The following SPRED1 variants were observed in gnomAD, a reference collection of about 807,000 sequenced individuals.
SPRED1 encodes the protein sprouty-related, EVH1 domain-containing protein 1.
In SPRED1, 18 loss-of-function variants were observed where a neutral mutation model predicts 52.3. The ratio of observed to expected loss-of-function variants is 0.34; its 90% CI spans 0.24 to 0.51. The LOEUF is 0.51. Among genes scored for constraint, SPRED1 ranks in the 20% least tolerant of loss-of-function variants. SPRED1 has a pLI of 0.97. For synonymous variants in SPRED1, 155 were observed against 179.7 expected, an observed-to-expected ratio of 0.86 and a Z score of 1.10; for missense variants, 485 against 551.0, an observed-to-expected ratio of 0.88 and a Z score of 1.20.
intron 4 of SPRED1, among the ~76,000 whole-genome samples, chr15:38,332,642 T>A (rs557223944): frequency 6.6e-6 from 1 of 152,316 alleles, no homozygotes; most frequent in South Asian, 2.1e-4. Flanking sequence ...TTTTCTAATG[T>A]ATCACATTTA....
intron 1 of SPRED1, among the ~76,000 whole-genome samples, chr15:38,256,375 A>G (rs548225657): frequency 1.5e-4 from 23 of 152,160 alleles, no homozygotes; most frequent in Admixed American, 2.0e-4. Context: ...CCTTCTAAAT[A>G]GAGTTTTAAA....
chr15:38,286,061 TAGTG>T (rs907337444), intron 1 of SPRED1, among the ~76,000 whole-genome samples: 1 of 151,800 alleles, frequency 6.6e-6, no homozygotes, highest in Non-Finnish European at 1.5e-5. Flanking sequence ...CTGGGAAACA[TAGTG>T]AGGCCCTGTC....
intron 1 of SPRED1, among the ~76,000 whole-genome samples, chr15:38,263,434 A>G (rs1894242349): frequency 6.6e-6 from 1 of 152,150 alleles, no homozygotes; most frequent in Non-Finnish European, 1.5e-5. Flanking sequence ...TCCCATTGAG[A>G]ATATTAAGTA....
chr15:38,348,400 GT>G (rs1896184998), intron 5 of SPRED1, among the ~76,000 whole-genome samples: 1 of 148,776 alleles, frequency 6.7e-6, no homozygotes, highest in African/African-American at 2.6e-5. Flanking sequence ...AGTACAAAGG[GT>G]CCTATTTTAA....
intron 4 of SPRED1, among the ~76,000 whole-genome samples, chr15:38,338,239 T>C (rs1367809662): frequency 6.7e-6 from 1 of 149,716 alleles, no homozygotes; most frequent in African/African-American, 2.4e-5. Flanking sequence ...AAAGAAATTG[T>C]GGTTTAGAGA....
intron 1 of SPRED1, among the ~76,000 whole-genome samples, chr15:38,263,687 G>T (rs1364795452): frequency 6.6e-6 from 1 of 152,140 alleles, no homozygotes; most frequent in Non-Finnish European, 1.5e-5. Context: ...AGTAATAATG[G>T]GGACAGAAGT....
In SPRED1 at chr15:38,310,217, T is replaced by G. The variant is rs1467968699; in HGVS notation, c.207+10670T>G. On this transcript the variant is annotated intron_variant, in intron 2 of 6. Coordinates refer to ENST00000299084, the MANE Select transcript of SPRED1 (RefSeq NM_152594.3). The stretch of plus-strand genomic sequence containing the variant: ...GCGCAGTGGCGCGATCTCGGCTCAT[T>G]GCAACCTCTGCCTCCCAGGTTCAAG... 2.0e-5 allele frequency among the ~76,000 whole-genome samples: 3 copies of G among 149,296 alleles called. No individual in the cohort carries two copies. In the East Asian group the frequency reaches 6.2e-4, roughly 31 times the overall value.
At chr15:38,313,435 A>G (rs1212663220) in intron 2 of SPRED1, among the ~76,000 whole-genome samples, 2 of 151,990 alleles carry the variant, frequency 1.3e-5, no homozygotes, top group Non-Finnish European at 2.9e-5. Context: ...GATTCATATT[A>G]TTCATCCTTG....
chr15:38,254,563 A>G (rs907974019), intron 1 of SPRED1, among the ~76,000 whole-genome samples: 14 of 152,364 alleles, frequency 9.2e-5, no homozygotes, highest in African/African-American at 3.1e-4. Context: ...GGATTTCCCA[A>G]GAAAAAAAAT....
At chr15:38,256,094 T>C (rs1410063143) in intron 1 of SPRED1, among the ~76,000 whole-genome samples, 6 of 152,190 alleles carry the variant, frequency 3.9e-5, no homozygotes, top group African/African-American at 7.2e-5. Context: ...GGATCTGTTA[T>C]GTGTAGGGCT....
intron 1 of SPRED1, among the ~76,000 whole-genome samples, chr15:38,297,243 A>G (rs1036573640): frequency 6.6e-6 from 1 of 152,242 alleles, no homozygotes; most frequent in Non-Finnish European, 1.5e-5. Context: ...TGAAATTACT[A>G]TTCAAATATG....
intron 2 of SPRED1, among the ~76,000 whole-genome samples, chr15:38,317,563 GT>G (rs1895512718): frequency 6.6e-6 from 1 of 151,888 alleles, no homozygotes; most frequent in African/African-American, 2.4e-5. Flanking sequence ...TATGATTGTT[GT>G]TACTAATATT....
chr15:38,297,195 G>A (rs1467270900), intron 1 of SPRED1, among the ~76,000 whole-genome samples: 1 of 152,224 alleles, frequency 6.6e-6, no homozygotes, highest in Non-Finnish European at 1.5e-5. Flanking sequence ...TACAGAGACA[G>A]TAGTTTAGTT....
At chr15:38,341,693 G>A (rs1007902987) in intron 5 of SPRED1, among the ~76,000 whole-genome samples, 2 of 151,918 alleles carry the variant, frequency 1.3e-5, no homozygotes, top group African/African-American at 4.8e-5. Flanking sequence ...TCTCTTTGAT[G>A]TTACAAATAA....
At chr15:38,340,904 C>G in intron 5 of SPRED1, among the ~76,000 whole-genome samples, 1 of 149,980 alleles carries the variant, frequency 6.7e-6, no homozygotes, top group Non-Finnish European at 1.5e-5. Flanking sequence ...GACAGTATTT[C>G]TTTTTTGCAT....
At chr15:38,275,508 A>G (rs1894530246) in intron 1 of SPRED1, among the ~76,000 whole-genome samples, 1 of 151,872 alleles carries the variant, frequency 6.6e-6, no homozygotes, top group African/African-American at 2.4e-5. Flanking sequence ...TATTATTACT[A>G]TTATTTTGAG....
intron 2 of SPRED1, among the ~76,000 whole-genome samples, chr15:38,319,780 G>C (rs1430564008): frequency 6.6e-6 from 1 of 152,204 alleles, no homozygotes; most frequent in Non-Finnish European, 1.5e-5. Flanking sequence ...CTGAACCTTA[G>C]TCACATTTTT....
intron 1 of SPRED1, among the ~76,000 whole-genome samples, chr15:38,290,855 G>T (rs1894910193): frequency 6.6e-6 from 1 of 152,108 alleles, no homozygotes; most frequent in South Asian, 2.1e-4. Flanking sequence ...GTTGAGATTT[G>T]GGTGGGGACA....
At chr15:38,331,624 T>TC (rs1350984457) in intron 4 of SPRED1, among the ~76,000 whole-genome samples, 2 of 142,478 alleles carry the variant, frequency 1.4e-5, no homozygotes, top group African/African-American at 5.3e-5. Context: ...AGATTTTGAA[T>TC]TTTTTTTACT....
Sources: gnomAD v4.1 joint callset for allele counts (sites outside exome capture counted in the v4.1 genomes callset) on GRCh38, gnomAD v4.1.1 for gene constraint, MANE v1.5 for transcripts, NCBI Gene and HGNC (gene_info 2026-07-23, HGNC 2026-07-21) for gene names.